Variants in ADGRB3 observed in about 807,000 individuals in gnomAD.
ADGRB3 encodes the protein adhesion G protein-coupled receptor B3.
ADGRB3 carries 37 observed loss-of-function variants against 193.4 expected under a neutral mutation model. The ratio of observed to expected loss-of-function variants is 0.19; its 90% CI spans 0.15 to 0.25. The LOEUF (loss-of-function observed/expected upper bound fraction) is 0.25. Ranked by LOEUF, ADGRB3 falls within the 10% of genes least tolerant of loss-of-function variation. ADGRB3 has a pLI of 1.00. For missense variants in ADGRB3, 1,637 were observed against 1,852.9 expected (o/e 0.88, Z 2.14); for synonymous variants, 690 against 644.2 (o/e 1.07, Z -1.08).
At chr6:68,897,396 A>AAG (rs1165122244) in intron 3 of ADGRB3, among the ~76,000 whole-genome samples, 1 of 139,632 alleles carries the variant, frequency 7.2e-6, no homozygotes, top group Non-Finnish European at 1.6e-5. Context: ...GAAAGAAAGA[A>AAG]AGAGAGAGAG....
At chr6:68,911,618 A>C (rs1766713349) in intron 3 of ADGRB3, among the ~76,000 whole-genome samples, 2 of 152,190 alleles carry the variant, frequency 1.3e-5, no homozygotes, top group South Asian at 4.1e-4. Flanking sequence ...AAGGTATCAA[A>C]CCTGATTCAG....
At chr6:69,070,433 A>C (rs1772047277) in intron 16 of ADGRB3, among the ~76,000 whole-genome samples, 1 of 152,198 alleles carries the variant, frequency 6.6e-6, no homozygotes, top group African/African-American at 2.4e-5. Context: ...GTAATGAACA[A>C]ATCCATCGCC....
At chr6:69,113,361 CAT>C (rs568008814) in intron 17 of ADGRB3, among the ~76,000 whole-genome samples, 1 of 151,310 alleles carries the variant, frequency 6.6e-6, no homozygotes, top group Non-Finnish European at 1.5e-5. Flanking sequence ...GTATATGTAT[CAT>C]ATATATGTAT....
chr6:68,685,238 A>G (rs1245562277), intron 3 of ADGRB3, among the ~76,000 whole-genome samples: 1 of 152,166 alleles, frequency 6.6e-6, no homozygotes, highest in East Asian at 1.9e-4. Flanking sequence ...AAAAATGAAG[A>G]TTTTCAGGGT....
chr6:69,106,164 T>TAAAAAAAAAAAAAAAAAAAAAAAAA (rs61114782), intron 17 of ADGRB3, among the ~76,000 whole-genome samples: 7 of 91,088 alleles, frequency 7.7e-5, no homozygotes, highest in East Asian at 1.0e-3. Context: ...GAGACTGCGT[T>TAAAAAAAAAAAAAAAAAAAAAAAAA]AAAAAAAAAA....
At chr6:68,868,241 A>G (rs767159843) in intron 3 of ADGRB3, among the ~76,000 whole-genome samples, 1 of 152,098 alleles carries the variant, frequency 6.6e-6, no homozygotes. Flanking sequence ...AGTTAGTTCT[A>G]TGAGATCTAA....
chr6:68,817,468 A>T (rs2127378845), intron 3 of ADGRB3, among the ~76,000 whole-genome samples: 1 of 150,024 alleles, frequency 6.7e-6, no homozygotes, highest in Admixed American at 6.7e-5. Context: ...ACTCTTTACC[A>T]CCTGGTACTC....
intron 3 of ADGRB3, among the ~76,000 whole-genome samples, chr6:68,896,292 T>C (rs1766216392): frequency 6.6e-6 from 1 of 152,090 alleles, no homozygotes; most frequent in South Asian, 2.1e-4. Flanking sequence ...TACTACTATG[T>C]AGAGGGAATA....
At chr6:68,858,341 G>GA (rs1300618772) in intron 3 of ADGRB3, among the ~76,000 whole-genome samples, 1 of 151,686 alleles carries the variant, frequency 6.6e-6, no homozygotes, top group Non-Finnish European at 1.5e-5. Context: ...CATCTCTACT[G>GA]AAAATACAAA....
chr6:68,866,916 A>G lies in ADGRB3; in HGVS notation c.758-63643A>G, dbSNP rs143788867. Among the ~76,000 whole-genome samples, 249 of 152,362 alleles carry G rather than the reference A, an allele frequency of 1.6e-3. 3 individuals carry two copies. Among genetic ancestry groups the G allele is most frequent in the African/African-American group, 5.8e-3 (240 of 41,586 alleles). ...AATATGGCTGCTCCTAATAGTATAT[A>G]GTCTTATGCATTCACAAAGAGATGG... is the stretch of plus-strand genomic sequence containing the variant. On this transcript the variant is annotated intron_variant, in intron 3 of 31. Coordinates refer to ENST00000370598, the MANE Select transcript of ADGRB3 (RefSeq NM_001704.3).
intron 3 of ADGRB3, among the ~76,000 whole-genome samples, chr6:68,921,023 A>G (rs1040096453): frequency 6.6e-6 from 1 of 152,210 alleles, no homozygotes; most frequent in Admixed American, 6.5e-5. Flanking sequence ...ACTTTTAAAT[A>G]ATTAAATTAG....
chr6:69,013,207 G>C (rs1337884584), intron 11 of ADGRB3, among the ~76,000 whole-genome samples: 3 of 152,056 alleles, frequency 2.0e-5, no homozygotes, highest in African/African-American at 7.2e-5. Context: ...TGTGAAATGA[G>C]CACTTGCAAA....
intron 20 of ADGRB3, among the ~76,000 whole-genome samples, chr6:69,243,725 G>A (rs1221421259): frequency 6.6e-6 from 1 of 151,880 alleles, no homozygotes; most frequent in East Asian, 1.9e-4. Flanking sequence ...TGTTGATTGT[G>A]GCTAGATGTA....
chr6:68,960,607 C>G (rs941863930), intron 8 of ADGRB3, among the ~76,000 whole-genome samples: 3 of 152,156 alleles, frequency 2.0e-5, no homozygotes, highest in African/African-American at 7.2e-5. Context: ...CCAGGAGAGT[C>G]TTCCTTTGGT....
chr6:69,045,687 A>G (rs1771214596), intron 13 of ADGRB3, among the ~76,000 whole-genome samples: 2 of 152,142 alleles, frequency 1.3e-5, no homozygotes, highest in Non-Finnish European at 2.9e-5. Context: ...AGAAACAGAC[A>G]TATTTCAGGA....
chr6:69,231,151 C>CTTTATATATGACATTATA (rs1205187806), intron 17 of ADGRB3, among the ~76,000 whole-genome samples: 5 of 152,174 alleles, frequency 3.3e-5, no homozygotes, highest in Non-Finnish European at 7.4e-5. Flanking sequence ...ACTCACATTT[C>CTTTATATATGACATTATA]TAAACATGTC....
chr6:68,741,843 C>G (rs1463175698), intron 3 of ADGRB3, among the ~76,000 whole-genome samples: 1 of 152,248 alleles, frequency 6.6e-6, no homozygotes, highest in South Asian at 2.1e-4. Flanking sequence ...TTTAAAAATT[C>G]TTTTCAGCAT....
At chr6:68,693,745 TATC>T (rs1765114670) in intron 3 of ADGRB3, among the ~76,000 whole-genome samples, 1 of 152,014 alleles carries the variant, frequency 6.6e-6, no homozygotes, top group South Asian at 2.1e-4. Flanking sequence ...GAGGTCTGAC[TATC>T]TATTGACGCA....
chr6:68,691,465 G>A (rs988585536), intron 3 of ADGRB3, among the ~76,000 whole-genome samples: 1 of 151,894 alleles, frequency 6.6e-6, no homozygotes, highest in African/African-American at 2.4e-5. Context: ...CAACTTATAT[G>A]CACTATTTGA....
Sources: gnomAD v4.1 joint callset for allele counts (sites outside exome capture counted in the v4.1 genomes callset) on GRCh38, gnomAD v4.1.1 for gene constraint, MANE v1.5 for transcripts, NCBI Gene and HGNC (gene_info 2026-07-23, HGNC 2026-07-21) for gene names.